The following ANO10 variants were observed in gnomAD, a reference collection of about 807,000 sequenced individuals.
ANO10 encodes anoctamin 10.
ANO10 carries 77 observed loss-of-function variants against 74.7 expected under a neutral mutation model. The ratio of observed to expected loss-of-function variants is 1.03; its 90% CI spans 0.86 to 1.25. The LOEUF is 1.25. Ranked by LOEUF, ANO10 falls within the 50% of genes most tolerant of loss-of-function variation. The pLI is 0.00. For synonymous variants in ANO10, 279 were observed against 284.9 expected (o/e 0.98, Z 0.21); for missense variants, 721 against 778.1 (o/e 0.93, Z 0.87).
At chr3:43,450,577 A>C (rs2074818760) in intron 11 of ANO10, among the ~76,000 whole-genome samples, 2 of 152,316 alleles carry the variant, frequency 1.3e-5, no homozygotes, top group South Asian at 4.1e-4. Context: ...CTTTTCACCT[A>C]TGCCAGAATT....
intron 11 of ANO10, among the ~76,000 whole-genome samples, chr3:43,507,782 CTG>C (rs1223251950): frequency 1.3e-5 from 2 of 151,994 alleles, no homozygotes; most frequent in African/African-American, 4.8e-5. Context: ...TCACTATTAA[CTG>C]TGATAAAAAT....
At chr3:43,442,992 A>G (rs1311761929) in intron 11 of ANO10, among the ~76,000 whole-genome samples, 2 of 151,992 alleles carry the variant, frequency 1.3e-5, no homozygotes, top group African/African-American at 4.8e-5. Flanking sequence ...AATGACTAGG[A>G]CTCTTCTCTG....
intron 4 of ANO10, among the ~76,000 whole-genome samples, chr3:43,585,529 A>C (rs1298981762): frequency 6.6e-6 from 1 of 152,180 alleles, no homozygotes; most frequent in African/African-American, 2.4e-5. Flanking sequence ...AAGCAACTGG[A>C]AGCATTTGAA....
At chr3:43,594,833 T>C (rs1233005041) in intron 4 of ANO10, among the ~76,000 whole-genome samples, 2 of 152,016 alleles carry the variant, frequency 1.3e-5, no homozygotes, top group Non-Finnish European at 2.9e-5. Flanking sequence ...AGCTGGTTTT[T>C]TGAAAAGATC....
At chr3:43,574,708 ATATCT>A (rs566403632) in intron 7 of ANO10, 96 bp downstream of exon 7, 18 of 924,508 alleles carry the variant, frequency 1.9e-5, no homozygotes, top group African/African-American at 1.2e-4. Flanking sequence ...AAATATATTG[ATATCT>A]TAGATTAGAA....
intron 11 of ANO10, among the ~76,000 whole-genome samples, chr3:43,489,266 C>T (rs2076624902): frequency 6.6e-6 from 1 of 151,430 alleles, no homozygotes; most frequent in African/African-American, 2.4e-5. Context: ...CACATGTATA[C>T]ATATGTAACT....
intron 1 of ANO10, among the ~76,000 whole-genome samples, chr3:43,642,133 A>G (rs530091549): frequency 6.6e-6 from 1 of 152,376 alleles, no homozygotes; most frequent in Non-Finnish European, 1.5e-5. Flanking sequence ...AAGCCCTTTC[A>G]GTGAACAGAT....
intron 11 of ANO10, among the ~76,000 whole-genome samples, chr3:43,542,910 C>G (rs2079018595): frequency 6.6e-6 from 1 of 152,152 alleles, no homozygotes; most frequent in African/African-American, 2.4e-5. Context: ...GTAACAAGAC[C>G]TGCAAATTAG....
chr3:43,482,765 C>G (rs1262126057), intron 11 of ANO10, among the ~76,000 whole-genome samples: 3 of 152,236 alleles, frequency 2.0e-5, no homozygotes, highest in African/African-American at 7.2e-5. Flanking sequence ...AAACAGACTA[C>G]TCTTTGAGGC....
At chr3:43,604,326 C>T (rs1575529371) in intron 2 of ANO10, among the ~76,000 whole-genome samples, 1 of 152,078 alleles carries the variant, frequency 6.6e-6, no homozygotes, top group African/African-American at 2.4e-5. Flanking sequence ...TTATCCCCAC[C>T]TCCATAGATC....
intron 10 of ANO10, among the ~76,000 whole-genome samples, chr3:43,550,709 A>T (rs1182167949): frequency 6.6e-6 from 1 of 152,194 alleles, no homozygotes; most frequent in African/African-American, 2.4e-5. Flanking sequence ...TTTCTTCATA[A>T]GAAATCTAAG....
At chr3:43,657,333 A>T (rs774686932) in intron 1 of ANO10, among the ~76,000 whole-genome samples, 4 of 152,246 alleles carry the variant, frequency 2.6e-5, no homozygotes, top group Admixed American at 1.3e-4. Flanking sequence ...TATAAAGCAG[A>T]GGCTTCAATT....
chr3:43,602,729 T>C (rs2082393255), intron 2 of ANO10, among the ~76,000 whole-genome samples: 1 of 152,206 alleles, frequency 6.6e-6, no homozygotes, highest in Non-Finnish European at 1.5e-5. Context: ...TACATGTTCA[T>C]GTTTACGAAA....
chr3:43,610,601 A>G (rs1402793087), intron 1 of ANO10, among the ~76,000 whole-genome samples: 2 of 152,222 alleles, frequency 1.3e-5, no homozygotes, highest in Non-Finnish European at 2.9e-5. Context: ...GCTCTGTTAT[A>G]ATTTTATGGA....
In ANO10 at chr3:43,515,813, C is replaced by T. The variant is rs537754269; in HGVS notation, c.1797+33907G>A. ...CTTGCCCCTTTTCTAAAACCATAAG[C>T]TGTAAATACCCCAGCCTGGGGCAAG... On this transcript the variant is annotated intron_variant, in intron 11 of 12. Transcript: ENST00000292246. Among the ~76,000 whole-genome samples the T allele has an allele frequency of 1.3e-4, 20 of 152,258 alleles. No homozygotes were observed. The South Asian group carries it at 3.7e-3, about 28-fold the overall frequency.
At chr3:43,512,528 G>C (rs2077549625) in intron 11 of ANO10, among the ~76,000 whole-genome samples, 1 of 152,118 alleles carries the variant, frequency 6.6e-6, no homozygotes, top group African/African-American at 2.4e-5. Context: ...CACAACGCTA[G>C]CAGTAGAGGT....
intron 1 of ANO10, among the ~76,000 whole-genome samples, chr3:43,669,478 C>CT (rs1317863071): frequency 6.6e-6 from 1 of 152,120 alleles, no homozygotes; most frequent in Non-Finnish European, 1.5e-5. Context: ...TTTTCCTACT[C>CT]TGATTCCTGC....
intron 11 of ANO10, among the ~76,000 whole-genome samples, chr3:43,510,224 G>GT (rs2077456996): frequency 6.6e-6 from 1 of 152,116 alleles, no homozygotes; most frequent in African/African-American, 2.4e-5. Context: ...GAGGTCAGGA[G>GT]TTTGAGACCA....
rs142531979 is a variant in ANO10 at position 43,586,169 on chromosome 3, G to T, written c.473-5697C>A. Among the ~76,000 whole-genome samples, 719 of 152,244 alleles carry T rather than the reference G, an allele frequency of 4.7e-3. 5 individuals carry two copies. Among genetic ancestry groups the T allele is most frequent in the African/African-American group, 0.017 (691 of 41,544 alleles). ...AATGAGGGTGCGTGACAGACACCTGGAGTACGTCTGCTCCCTGCCTGGCAC... is the reference window on the plus strand; with the variant it reads ...AATGAGGGTGCGTGACAGACACCTGTAGTACGTCTGCTCCCTGCCTGGCAC... On this transcript the variant is annotated intron_variant, in intron 4 of 12. Coordinates refer to ENST00000292246, the MANE Select transcript of ANO10 (RefSeq NM_018075.5).
Sources: gnomAD v4.1 joint callset for allele counts (sites outside exome capture counted in the v4.1 genomes callset) on GRCh38, gnomAD v4.1.1 for gene constraint, MANE v1.5 for transcripts, NCBI Gene and HGNC (gene_info 2026-07-23, HGNC 2026-07-21) for gene names.